GRIN2D: variants seen among roughly 807,000 people sequenced by gnomAD.
GRIN2D encodes the protein glutamate receptor ionotropic, NMDA 2D.
GRIN2D carries 37 observed loss-of-function variants against 103.2 expected under a neutral mutation model. The observed-to-expected ratio is 0.36, with a 90% CI of 0.28 to 0.47. GRIN2D has a LOEUF of 0.47. GRIN2D is among the 20% of genes least tolerant of loss of function. The pLI is 1.00. For missense variants in GRIN2D, 1,557 were observed against 1,910.6 expected (o/e 0.81, Z 3.45); for synonymous variants, 845 against 885.6 (o/e 0.95, Z 0.81).
intron 11 of GRIN2D, among the ~76,000 whole-genome samples, chr19:48,432,845 CA>C (rs1219924714): frequency 2.0e-5 from 3 of 149,482 alleles, no homozygotes; most frequent in Non-Finnish European, 4.5e-5. Context: ...GGCTGGAGTG[CA>C]GTGGCACGAT....
chr19:48,402,115 G>GGAAA (rs201781099), intron 3 of GRIN2D, among the ~76,000 whole-genome samples: 9,071 of 87,644 alleles, frequency 0.1, 380 homozygotes, highest in Middle Eastern at 0.16. Flanking sequence ...AGAAAGAGAA[G>GGAAA]GAAAGAAAGA....
chr19:48,442,099 G>A lies in GRIN2D; in HGVS notation c.2441-51G>A, dbSNP rs777175960. 1.7e-5 allele frequency: 26 copies of A among 1,559,786 alleles called. No individual in the cohort carries two copies. The highest frequency in any genetic ancestry group is 3.3e-5 in the Admixed American group (2 of 59,766). ...GCCTACATTCCCACATCACAGACAA[G>A]GGTCCTCAGAGGGTACTCATAGCAG... is the stretch of plus-strand genomic sequence containing the variant. On this transcript the variant is annotated intron_variant, in intron 12 of 13. Transcript: ENST00000263269. This position sits in a 1 kb window ranked among gnomAD's most constrained non-coding sequence, Gnocchi z 7.2.
At chr19:48,422,977 G>A (rs759940381) in intron 11 of GRIN2D, among the ~76,000 whole-genome samples, 6 of 152,092 alleles carry the variant, frequency 3.9e-5, no homozygotes, top group African/African-American at 7.2e-5. Flanking sequence ...TTGGGAGGCC[G>A]AGACGGGCAG....
intron 4 of GRIN2D, among the ~76,000 whole-genome samples, chr19:48,408,833 A>G (rs538501654): frequency 1.4e-4 from 21 of 150,810 alleles, no homozygotes; most frequent in South Asian, 4.2e-4. Flanking sequence ...AAAAAAAAAA[A>G]AGAGAGAAAG....
chr19:48,401,913 C>T (rs1009697188), intron 3 of GRIN2D, among the ~76,000 whole-genome samples: 1 of 151,976 alleles, frequency 6.6e-6, no homozygotes, highest in Admixed American at 6.6e-5. Flanking sequence ...CCAGCCTGGC[C>T]AACATGGTGA....
intron 3 of GRIN2D, among the ~76,000 whole-genome samples, chr19:48,403,722 C>A (rs541929082): frequency 6.6e-6 from 1 of 152,302 alleles, no homozygotes; most frequent in South Asian, 2.1e-4. Context: ...AAAGGACACT[C>A]TGCAAAGCTT....
chr19:48,417,571 CTGTT>C (rs1970962836), intron 8 of GRIN2D, among the ~76,000 whole-genome samples: 1 of 152,160 alleles, frequency 6.6e-6, no homozygotes, highest in South Asian at 2.1e-4. Context: ...GTTTTGTTTT[CTGTT>C]TATTTCGCCC....
chr19:48,397,520 T>C (rs1970657896), intron 2 of GRIN2D, among the ~76,000 whole-genome samples: 1 of 151,922 alleles, frequency 6.6e-6, no homozygotes, highest in African/African-American at 2.4e-5. Context: ...CCATCCTTTA[T>C]GTGCGCGTGT....
chr19:48,412,461 GAAAGAAAGAAAGAAAGAAA>G (rs2147448786), intron 4 of GRIN2D, among the ~76,000 whole-genome samples: 1 of 149,796 alleles, frequency 6.7e-6, no homozygotes, highest in African/African-American at 2.5e-5. Flanking sequence ...AAGAAAGAAA[GAAAGAAAGAAAGAAAGAAA>G]GAGAGAGAAA....
Position 48,414,854 on chromosome 19 carries a change from C to T in GRIN2D, c.1413-10C>T. Reference sequence around the variant, plus strand: ...TCCCCAAACTCCCCAAGCCTGGTCACTGCCCGCAGCCCTCCACCGGATGCC... The same window carrying T: ...TCCCCAAACTCCCCAAGCCTGGTCATTGCCCGCAGCCCTCCACCGGATGCC... On this transcript the variant is annotated splice_polypyrimidine_tract_variant and intron_variant, in intron 6 of 13. Transcript: ENST00000263269. This position sits in a 1 kb window ranked among gnomAD's most constrained non-coding sequence, Gnocchi z 4.6. The T allele has an allele frequency of 6.2e-7, 1 of 1,613,830 alleles. No individual in the cohort carries two copies. The highest frequency in any genetic ancestry group is 1.1e-5 in the South Asian group (1 of 91,024).
chr19:48,402,718 C>T (rs1454106982), intron 3 of GRIN2D, among the ~76,000 whole-genome samples: 26 of 88,872 alleles, frequency 2.9e-4, no homozygotes, highest in African/African-American at 1.1e-3. Flanking sequence ...AGCAAGACTC[C>T]GTCTCAAAAA....
chr19:48,426,980 C>T (rs1355809935), intron 11 of GRIN2D, among the ~76,000 whole-genome samples: 2 of 152,042 alleles, frequency 1.3e-5, no homozygotes, highest in Non-Finnish European at 1.5e-5. Context: ...GTGGAACTAC[C>T]CGGTCATAGG....
intron 3 of GRIN2D, among the ~76,000 whole-genome samples, chr19:48,402,171 AG>A (rs2147438681): frequency 6.6e-6 from 1 of 151,926 alleles, no homozygotes; most frequent in South Asian, 2.1e-4. Context: ...AAAGAAAGAG[AG>A]AAAAGAAAAC....
At chr19:48,441,683 G>A in intron 11 of GRIN2D, 86 bp from the exon 12 acceptor site, 1 of 1,055,534 alleles carries the variant, frequency 9.5e-7, no homozygotes, top group Non-Finnish European at 1.4e-6. Flanking sequence ...TGGAGCAGTT[G>A]GAGGTTACAG....
chr19:48,395,540 C>A (rs1040409099), intron 2 of GRIN2D, among the ~76,000 whole-genome samples: 2 of 151,966 alleles, frequency 1.3e-5, no homozygotes, highest in Non-Finnish European at 2.9e-5. Context: ...GGGATGCCGT[C>A]TGCAGCACAA....
chr19:48,411,321 T>A (rs1970856282), intron 4 of GRIN2D, among the ~76,000 whole-genome samples: 1 of 120,678 alleles, frequency 8.3e-6, no homozygotes, highest in Non-Finnish European at 1.7e-5. Flanking sequence ...TGAGACCCCG[T>A]CTCAAAATAA....
chr19:48,415,974 C>A (rs1217481453), intron 7 of GRIN2D, 28 bp from the exon 8 acceptor site: 2 of 1,601,698 alleles, frequency 1.2e-6, no homozygotes, highest in Non-Finnish European at 8.5e-7. Flanking sequence ...CGGGTTCCCC[C>A]GCCCACTCCT....
In GRIN2D at chr19:48,405,798, T is replaced by A. The variant is rs1474534318; in HGVS notation, c.1085+445T>A. ...CCCAGATGAGGTCGAAGTTTGTTCC[T>A]CTCTCACGTAACAACCCTGATAAGG... On this transcript the variant is annotated intron_variant, in intron 4 of 13. Transcript: ENST00000263269. This position sits in a 1 kb window ranked among gnomAD's most constrained non-coding sequence, Gnocchi z 5.1. 1.3e-5 allele frequency among the ~76,000 whole-genome samples: 2 copies of A among 152,188 alleles called. No individual in the cohort carries two copies. Among genetic ancestry groups the A allele is most frequent in the African/African-American group, 4.8e-5 (2 of 41,456 alleles).
chr19:48,414,298 G>A lies in GRIN2D; in HGVS notation c.1201-75G>A. On this transcript the variant is annotated intron_variant, in intron 5 of 13. Transcript: ENST00000263269. The surrounding 1 kb of genome is among the most constrained non-coding windows in gnomAD (Gnocchi z 4.6). ...TGCTGCCCACACACCTAGGTCTGAG[G>A]GAAGAGGATCATGGAGGCCAGGATA... 7.9e-7 allele frequency: 1 copy of A among 1,270,482 alleles called. No individual in the cohort carries two copies. Among genetic ancestry groups the A allele is most frequent in the Non-Finnish European group, 1.1e-6 (1 of 902,126 alleles). The allele number at this position is 1,270,482 out of a possible 1,614,324, so 78.7% of individuals were successfully genotyped here.
Sources: gnomAD v4.1 joint callset for allele counts (sites outside exome capture counted in the v4.1 genomes callset) on GRCh38, gnomAD v4.1.1 for gene constraint, Gnocchi (gnomAD v3.1) non-coding constraint, MANE v1.5 for transcripts, NCBI Gene and HGNC (gene_info 2026-07-23, HGNC 2026-07-21) for gene names.